PTPRC: variants seen among roughly 807,000 people sequenced by gnomAD.
PTPRC encodes the protein receptor-type tyrosine-protein phosphatase C.
Under a neutral mutation model 155.9 loss-of-function variants are expected in PTPRC, and 44 were observed. The observed-to-expected ratio is 0.28, with a 90% CI of 0.22 to 0.36. The LOEUF (loss-of-function observed/expected upper bound fraction) is 0.36, where lower values mean the gene tolerates loss of function less well. Ranked by LOEUF, PTPRC falls within the 10% of genes least tolerant of loss-of-function variation. PTPRC has a pLI of 1.00. For missense variants in PTPRC, 1,401 were observed against 1,564.6 expected, an observed-to-expected ratio of 0.90 and a Z score of 1.76; for synonymous variants, 525 against 533.1, an observed-to-expected ratio of 0.98 and a Z score of 0.21.
At chr1:198,708,695 A>T (rs1314231638) in intron 10 of PTPRC, among the ~76,000 whole-genome samples, 2 of 152,236 alleles carry the variant, frequency 1.3e-5, no homozygotes. Flanking sequence ...GCATCAACAA[A>T]ATTCATACAC....
At chr1:198,643,891 G>A (rs547822938) in intron 2 of PTPRC, among the ~76,000 whole-genome samples, 2 of 152,026 alleles carry the variant, frequency 1.3e-5, no homozygotes, top group South Asian at 4.1e-4. Context: ...TGCACCCTAG[G>A]TGTTGCATTA....
chr1:198,742,472 C>G (rs1654948987), intron 25 of PTPRC, 105 bp downstream of exon 25: 2 of 1,382,490 alleles, frequency 1.4e-6, no homozygotes, highest in Non-Finnish European at 2.0e-6. Context: ...TCTTCACAAC[C>G]TCAAACAGTA....
At chr1:198,733,605 T>G (rs946106691) in intron 20 of PTPRC, among the ~76,000 whole-genome samples, 1 of 151,806 alleles carries the variant, frequency 6.6e-6, no homozygotes, top group Non-Finnish European at 1.5e-5. Flanking sequence ...CAGTATAATA[T>G]TTTATCTGCC....
At chr1:198,755,817 A>C (rs1655619835) in intron 32 of PTPRC, 89 bp from the exon 33 acceptor site, 1 of 1,349,650 alleles carries the variant, frequency 7.4e-7, no homozygotes, top group Admixed American at 1.7e-5. Flanking sequence ...TTCCACAAAT[A>C]AATCATTAGT....
At chr1:198,753,975 T>C (rs1655503655) in intron 31 of PTPRC, among the ~76,000 whole-genome samples, 1 of 152,030 alleles carries the variant, frequency 6.6e-6, no homozygotes, top group Non-Finnish European at 1.5e-5. Context: ...TTTCAACAAC[T>C]TCAGATGTAA....
intron 11 of PTPRC, among the ~76,000 whole-genome samples, chr1:198,710,067 T>G (rs550134639): frequency 1.3e-5 from 2 of 152,346 alleles, no homozygotes; most frequent in South Asian, 2.1e-4. Context: ...TTCTAAAAAT[T>G]TTATAGCATT....
chr1:198,699,503 A>C, intron 4 of PTPRC, 61 bp from the exon 5 acceptor site: 1 of 1,593,980 alleles, frequency 6.3e-7, no homozygotes, highest in South Asian at 1.1e-5. Flanking sequence ...ATAACCTCTT[A>C]GTAAATTATT....
At chr1:198,754,524 T>C in intron 32 of PTPRC, 120 bp downstream of exon 32, 7 of 1,187,122 alleles carry the variant, frequency 5.9e-6, no homozygotes, top group Non-Finnish European at 8.4e-6. Context: ...CCTTTCCTTT[T>C]CTCTTCTCTA....
Position 198,713,080 on chromosome 1 carries a change from G to A in PTPRC, c.1291+8G>A. On this transcript the variant is annotated splice_region_variant and intron_variant, in intron 12 of 32. Coordinates refer to ENST00000442510, the MANE Select transcript of PTPRC (RefSeq NM_002838.5). ...GTTATATAAAAGAGACAGGTAATTT[G>A]TGTAGAATTTAATTTCATCAGAAAA... 1 of 1,613,372 alleles carries A rather than the reference G, an allele frequency of 6.2e-7. No homozygotes were observed. The highest frequency in any genetic ancestry group is 8.5e-7 in the Non-Finnish European group (1 of 1,179,474).
At chr1:198,752,427 A>G (rs990397708) in intron 30 of PTPRC, 56 bp downstream of exon 30, 57 of 1,594,106 alleles carry the variant, frequency 3.6e-5, no homozygotes, top group Non-Finnish European at 4.3e-5. Context: ...TGGTAGCAAA[A>G]TGAATATAAA....
chr1:198,714,152 TACAA>T (rs1433439106), intron 12 of PTPRC, among the ~76,000 whole-genome samples: 1 of 152,174 alleles, frequency 6.6e-6, no homozygotes, highest in African/African-American at 2.4e-5. Flanking sequence ...ACACCTCTTT[TACAA>T]ACACTTTGTG....
chr1:198,705,175 C>T (rs1652878056), intron 8 of PTPRC, among the ~76,000 whole-genome samples: 1 of 151,452 alleles, frequency 6.6e-6, no homozygotes, highest in Non-Finnish European at 1.5e-5. Context: ...AGCGGTTCTT[C>T]ATGGTCAGGG....
At chr1:198,746,437 T>C (rs1378631318) in intron 26 of PTPRC, among the ~76,000 whole-genome samples, 3 of 151,578 alleles carry the variant, frequency 2.0e-5, no homozygotes, top group Non-Finnish European at 4.4e-5. Context: ...GGTGGTGTCC[T>C]TAGCTGACAT....
Position 198,756,049 on chromosome 1 carries a change from T to A in PTPRC, c.3789T>A (p.Asn1263Lys), listed in dbSNP as rs756327552. The change falls in exon 33 of 33, where the codon AAT (asparagine) becomes AAA (lysine). Residue 1263 changes from asparagine (N) to lysine (K), a missense_variant. Physicochemically the swap from Asn to Lys is moderately conservative, Grantham distance 94. This residue lies in a region of PTPRC where 400 missense variants were observed against 389.5 expected (regional missense o/e 1.03). Coordinates refer to ENST00000442510, the MANE Select transcript of PTPRC (RefSeq NM_002838.5). ...TAAAGCAGGATGCTAATTGTGTTAA[T>A]CCACTTGGTGCCCCAGAAAAGCTCC... ...DKVKQDANCV[N>K]PLGAPEKLPE... 6.2e-7 allele frequency: 1 copy of A among 1,613,490 alleles called. No homozygotes were observed. Among genetic ancestry groups the A allele is most frequent in the South Asian group, 1.1e-5 (1 of 91,074 alleles).
At chr1:198,716,990 A>G (rs560486685) in intron 13 of PTPRC, 150 bp downstream of exon 13, 1 of 700,024 alleles carries the variant, frequency 1.4e-6, no homozygotes, top group African/African-American at 1.8e-5. Flanking sequence ...GTAAAATCTA[A>G]AAGTTTAAAA....
At chr1:198,685,292 T>C (rs1365815532) in intron 2 of PTPRC, among the ~76,000 whole-genome samples, 1 of 152,010 alleles carries the variant, frequency 6.6e-6, no homozygotes, top group East Asian at 1.9e-4. Context: ...AGCAATTTAC[T>C]AAACTCTTTT....
intron 9 of PTPRC, among the ~76,000 whole-genome samples, chr1:198,707,887 T>C (rs1237066312): frequency 6.6e-6 from 1 of 152,220 alleles, no homozygotes; most frequent in Admixed American, 6.5e-5. Flanking sequence ...ATTTCATTTT[T>C]TAACGTGGTA....
intron 2 of PTPRC, among the ~76,000 whole-genome samples, chr1:198,689,114 C>T (rs1303929511): frequency 3.3e-5 from 5 of 152,196 alleles, no homozygotes; most frequent in South Asian, 2.1e-4. Flanking sequence ...CAGTCTTCTC[C>T]GTTTTGGTAA....
intron 2 of PTPRC, among the ~76,000 whole-genome samples, chr1:198,643,556 G>A (rs866687932): frequency 1.2e-4 from 18 of 151,760 alleles, no homozygotes; most frequent in African/African-American, 4.3e-4. Context: ...TTGTTTGTTT[G>A]TTTTTTCTTT....
Sources: allele counts gnomAD v4.1 joint callset (sites outside exome capture counted in the v4.1 genomes callset), GRCh38; gene constraint gnomAD v4.1.1; regional missense constraint gnomAD v4.1.1; transcripts MANE v1.5; gene names NCBI Gene and HGNC (gene_info 2026-07-23, HGNC 2026-07-21).